PAFAH1B1: variants seen among roughly 807,000 people sequenced by gnomAD.
The protein encoded by PAFAH1B1 is platelet activating factor acetylhydrolase 1b regulatory subunit 1.
PAFAH1B1 carries 2 observed loss-of-function variants against 57.5 expected under a neutral mutation model. That is an observed-to-expected ratio of 0.03 (90% CI 0.01 to 0.11). The LOEUF (loss-of-function observed/expected upper bound fraction) is 0.11. Among genes scored for constraint, PAFAH1B1 ranks in the 10% least tolerant of loss-of-function variants. The probability of loss-of-function intolerance (pLI) is 1.00; values close to 1 mark genes in which losing one functional copy is unlikely to be tolerated. For synonymous variants in PAFAH1B1, 152 were observed against 169.6 expected (o/e 0.90, Z 0.81); for missense variants, 257 against 512.0 (o/e 0.50, Z 4.81).
chr17:2,609,802 G>T (rs868514678), intron 1 of PAFAH1B1, among the ~76,000 whole-genome samples: 1 of 152,010 alleles, frequency 6.6e-6, no homozygotes, highest in Non-Finnish European at 1.5e-5. Context: ...GAGCCACCGC[G>T]CCCGGCTGAA....
At chr17:2,676,684 T>G (rs984144355) in intron 9 of PAFAH1B1, 78 bp downstream of exon 9, 232 of 862,650 alleles carry the variant, frequency 2.7e-4, no homozygotes, top group Non-Finnish European at 4.2e-5. Flanking sequence ...TATGATATCT[T>G]AAATAATCTG....
chr17:2,647,442 C>T (rs988974223), intron 2 of PAFAH1B1, among the ~76,000 whole-genome samples: 6 of 151,988 alleles, frequency 3.9e-5, no homozygotes, highest in African/African-American at 1.5e-4. Context: ...AAGGCTGAGG[C>T]GTGAGAATCA....
At chr17:2,669,467 T>A (rs1597571153) in intron 5 of PAFAH1B1, among the ~76,000 whole-genome samples, 1 of 152,220 alleles carries the variant, frequency 6.6e-6, no homozygotes, top group East Asian at 1.9e-4. Context: ...TTTCACCATA[T>A]TAGCCAGGAT....
intron 5 of PAFAH1B1, among the ~76,000 whole-genome samples, chr17:2,669,585 C>G (rs1209690889): frequency 6.6e-6 from 1 of 152,206 alleles, no homozygotes; most frequent in East Asian, 1.9e-4. Context: ...CTCAAAATGA[C>G]ATATGCTCTT....
intron 2 of PAFAH1B1, among the ~76,000 whole-genome samples, chr17:2,656,783 T>G (rs1345143561): frequency 6.6e-6 from 1 of 152,242 alleles, no homozygotes; most frequent in Non-Finnish European, 1.5e-5. Flanking sequence ...GTAATCTGCC[T>G]GTATACTTCT....
At chr17:2,613,224 A>G (rs1035382738) in intron 1 of PAFAH1B1, 14 of 173,668 alleles carry the variant, frequency 8.1e-5, no homozygotes, top group Non-Finnish European at 5.2e-5. Context: ...CATTGCATCA[A>G]GTGGTGGCTC....
At chr17:2,658,171 A>G (rs560844633) in intron 2 of PAFAH1B1, among the ~76,000 whole-genome samples, 34 of 152,330 alleles carry the variant, frequency 2.2e-4, no homozygotes, top group Admixed American at 3.9e-4. Flanking sequence ...GTGTCAGTCA[A>G]TAATATAGTA....
intron 1 of PAFAH1B1, among the ~76,000 whole-genome samples, chr17:2,637,035 C>T (rs539205901): frequency 3.3e-5 from 5 of 152,236 alleles, no homozygotes; most frequent in African/African-American, 9.6e-5. Context: ...TCTCATTCTT[C>T]TTTCTTCACT....
chr17:2,664,849 AC>A (rs762458879), intron 2 of PAFAH1B1, among the ~76,000 whole-genome samples: 1 of 152,182 alleles, frequency 6.6e-6, no homozygotes, highest in Non-Finnish European at 1.5e-5. Flanking sequence ...ACGACAGTAC[AC>A]TAAGTTTATA....
At chr17:2,639,044 T>C (rs989487185) in intron 2 of PAFAH1B1, among the ~76,000 whole-genome samples, 3 of 151,998 alleles carry the variant, frequency 2.0e-5, no homozygotes, top group Non-Finnish European at 4.4e-5. Flanking sequence ...AGACTACAGG[T>C]GACCGTCAAC....
intron 1 of PAFAH1B1, among the ~76,000 whole-genome samples, chr17:2,626,553 T>TTCC (rs2068493497): frequency 9.2e-5 from 3 of 32,700 alleles, no homozygotes; most frequent in Non-Finnish European, 1.3e-4. Context: ...TCACCTTTCT[T>TTCC]CCCCCCCCCC....
chr17:2,619,080 G>A (rs956964330), intron 1 of PAFAH1B1, among the ~76,000 whole-genome samples: 4 of 151,840 alleles, frequency 2.6e-5, no homozygotes, highest in African/African-American at 9.7e-5. Context: ...TTATAAGAAA[G>A]CATGTCTCAA....
chr17:2,666,849 A>T, intron 4 of PAFAH1B1, 143 bp from the exon 5 acceptor site: 1 of 625,374 alleles, frequency 1.6e-6, no homozygotes, highest in Non-Finnish European at 2.8e-6. Flanking sequence ...ATTTTCATTT[A>T]AATTTGACAA....
chr17:2,593,590 G>GGGGGGCGGCGGCGGC, upstream of PAFAH1B1, among the ~76,000 whole-genome samples: 1 of 148,772 alleles, frequency 6.7e-6, no homozygotes, highest in South Asian at 2.1e-4. Context: ...GGCGGGTCTG[G>GGGGGGCGGCGGCGGC]GGCGGCGGCG....
intron 1 of PAFAH1B1, among the ~76,000 whole-genome samples, chr17:2,607,445 G>T (rs959807079): frequency 4.6e-5 from 7 of 151,636 alleles, no homozygotes; most frequent in African/African-American, 1.7e-4. Flanking sequence ...AAAGCGCTGG[G>T]ATTACAGGTG....
chr17:2,611,786 T>C (rs1261108052), intron 1 of PAFAH1B1, among the ~76,000 whole-genome samples: 1 of 152,180 alleles, frequency 6.6e-6, no homozygotes, highest in Non-Finnish European at 1.5e-5. Flanking sequence ...ACCATGAGTT[T>C]GGTCGGGACA....
intron 2 of PAFAH1B1, among the ~76,000 whole-genome samples, chr17:2,649,726 T>A (rs556157250): frequency 1.1e-4 from 16 of 152,156 alleles, no homozygotes; most frequent in Non-Finnish European, 1.9e-4. Context: ...CAAACTAAAT[T>A]TCTCATTAAC....
intron 2 of PAFAH1B1, among the ~76,000 whole-genome samples, chr17:2,646,334 A>G (rs530243412): frequency 6.6e-6 from 1 of 152,322 alleles, no homozygotes; most frequent in Non-Finnish European, 1.5e-5. Context: ...ACTTTATAGG[A>G]ATGAGAAATT....
intron 2 of PAFAH1B1, among the ~76,000 whole-genome samples, chr17:2,661,098 T>A (rs2151654661): frequency 6.6e-6 from 1 of 152,318 alleles, no homozygotes; most frequent in Admixed American, 6.5e-5. Context: ...TTGATGGTTT[T>A]TTTTTCCCGT....
Sources: allele counts gnomAD v4.1 joint callset (sites outside exome capture counted in the v4.1 genomes callset), GRCh38; gene constraint gnomAD v4.1.1; transcripts MANE v1.5; gene names NCBI Gene and HGNC (gene_info 2026-07-23, HGNC 2026-07-21).